Variants in ALKBH8 observed in about 807,000 individuals in gnomAD.
ALKBH8 encodes the protein tRNA (carboxymethyluridine(34)-5-O)-methyltransferase ALKBH8.
ALKBH8 carries 36 observed loss-of-function variants against 59.8 expected under a neutral mutation model. The observed-to-expected ratio is 0.60, with a 90% confidence interval of 0.46 to 0.79. The LOEUF is 0.79. ALKBH8 is among the 30% of genes least tolerant of loss of function. The probability of loss-of-function intolerance (pLI) is 0.00; values close to 1 mark genes in which losing one functional copy is unlikely to be tolerated. For missense variants in ALKBH8, 768 were observed against 801.0 expected (o/e 0.96, Z 0.50); for synonymous variants, 276 against 273.6 (o/e 1.01, Z -0.09).
At chr11:107,535,739 C>T (rs1411199154) in intron 7 of ALKBH8, among the ~76,000 whole-genome samples, 3 of 151,770 alleles carry the variant, frequency 2.0e-5, no homozygotes. Flanking sequence ...TCCTTGAGGC[C>T]CATTTGGGTA....
chr11:107,545,640 G>A (rs755414742), intron 7 of ALKBH8, among the ~76,000 whole-genome samples: 2 of 152,106 alleles, frequency 1.3e-5, no homozygotes, highest in African/African-American at 2.4e-5. Flanking sequence ...ACTGATGAAC[G>A]GACTTCCATA....
chr11:107,552,540 C>A (rs923120959), intron 5 of ALKBH8, among the ~76,000 whole-genome samples: 1 of 152,110 alleles, frequency 6.6e-6, no homozygotes. Flanking sequence ...ATACAAATGA[C>A]CAACCTTACC....
chr11:107,510,635 T>C (rs1181226834), intron 11 of ALKBH8, among the ~76,000 whole-genome samples: 1 of 152,042 alleles, frequency 6.6e-6, no homozygotes, highest in Non-Finnish European at 1.5e-5. Context: ...GAATGAGACT[T>C]GGGGTAGGAA....
intron 6 of ALKBH8, among the ~76,000 whole-genome samples, chr11:107,551,056 TAA>T (rs1864470396): frequency 6.6e-6 from 1 of 152,220 alleles, no homozygotes; most frequent in East Asian, 1.9e-4. Context: ...ATCAGTATCA[TAA>T]AGATTTTTCA....
chr11:107,516,008 CA>C (rs1249994719), intron 10 of ALKBH8, among the ~76,000 whole-genome samples: 1 of 152,230 alleles, frequency 6.6e-6, no homozygotes, highest in East Asian at 1.9e-4. Context: ...AAACACTAAC[CA>C]GGCTAATAAT....
chr11:107,546,626 C>A (rs1045286668), intron 7 of ALKBH8, among the ~76,000 whole-genome samples: 21 of 152,108 alleles, frequency 1.4e-4, no homozygotes, highest in Non-Finnish European at 2.5e-4. Context: ...CTTGAGATAT[C>A]TTGTTATATG....
intron 1 of ALKBH8, 34 bp downstream of exon 1, chr11:107,565,567 G>T: frequency 1.3e-6 from 2 of 1,535,592 alleles, no homozygotes; most frequent in Non-Finnish European, 8.7e-7. Context: ...GTGATTTGCT[G>T]CCCGTATGCC....
At chr11:107,518,044 TAA>T (rs1341498910) in intron 10 of ALKBH8, among the ~76,000 whole-genome samples, 3 of 151,932 alleles carry the variant, frequency 2.0e-5, no homozygotes, top group Non-Finnish European at 4.4e-5. Flanking sequence ...ATCTGTCCTG[TAA>T]AGACATTTTT....
At chr11:107,521,804 A>G (rs1863123078) in intron 10 of ALKBH8, among the ~76,000 whole-genome samples, 2 of 152,176 alleles carry the variant, frequency 1.3e-5, no homozygotes, top group Non-Finnish European at 2.9e-5. Context: ...TAAGATACCA[A>G]TAAATAGAAA....
intron 11 of ALKBH8, among the ~76,000 whole-genome samples, chr11:107,509,173 T>C (rs1862518592): frequency 6.6e-6 from 1 of 152,192 alleles, no homozygotes; most frequent in African/African-American, 2.4e-5. Context: ...CCAACACTTG[T>C]TATTTTCTAT....
chr11:107,504,853 TC>T lies in ALKBH8; in HGVS notation c.1799del (p.Gly600GlufsTer15), dbSNP rs1356273470. On this transcript the variant is annotated frameshift_variant, in exon 12 of 12. Transcript: ENST00000428149. LOFTEE classifies it low-confidence loss of function (END_TRUNC). ...QDVLVPWHLK[G>X]NPDKGKPVEP... ...CAACAGGTTTGCCTTTATCAGGATT[TC>T]CCTTAAGGTGCCAGGGAACCAGTAC... 4 of 1,551,750 alleles carry T rather than the reference TC, an allele frequency of 2.6e-6. No individual in the cohort carries two copies. The South Asian group carries it at 3.6e-5, about 14-fold the overall frequency.
chr11:107,521,775 G>A (rs1256014045), intron 10 of ALKBH8, among the ~76,000 whole-genome samples: 1 of 152,046 alleles, frequency 6.6e-6, no homozygotes, highest in Non-Finnish European at 1.5e-5. Flanking sequence ...ATCTGTTTGA[G>A]ACTTCCTTTC....
At chr11:107,553,085 A>G (rs758910119) in intron 5 of ALKBH8, 23 bp downstream of exon 5, 1 of 1,417,542 alleles carries the variant, frequency 7.1e-7, no homozygotes, top group Non-Finnish European at 9.7e-7. Flanking sequence ...GCCAGAATTT[A>G]TTATGTATTA....
chr11:107,565,335 C>T, intron 1 of ALKBH8: 1 of 568,074 alleles, frequency 1.8e-6, no homozygotes, highest in South Asian at 2.1e-5. Context: ...ACCGTCCTCT[C>T]CAACCCCAAA....
chr11:107,536,505 T>C (rs1035399582), intron 7 of ALKBH8, among the ~76,000 whole-genome samples: 1 of 152,160 alleles, frequency 6.6e-6, no homozygotes, highest in Non-Finnish European at 1.5e-5. Context: ...GATCACTTAT[T>C]GTGATATAAT....
intron 1 of ALKBH8, 170 bp downstream of exon 1, chr11:107,565,431 A>G: frequency 1.2e-6 from 1 of 849,476 alleles, no homozygotes. Flanking sequence ...GAACCACCCA[A>G]CGCAGACACC....
intron 2 of ALKBH8, among the ~76,000 whole-genome samples, chr11:107,559,295 A>G (rs1482116015): frequency 6.6e-6 from 1 of 152,228 alleles, no homozygotes; most frequent in Non-Finnish European, 1.5e-5. Flanking sequence ...ATATCATTAA[A>G]ACAATATTTG....
chr11:107,526,284 T>C (rs1283340986), intron 8 of ALKBH8, among the ~76,000 whole-genome samples: 2 of 151,978 alleles, frequency 1.3e-5, no homozygotes, highest in African/African-American at 4.8e-5. Context: ...ACTTGGTATT[T>C]TCTGAGTTTT....
intron 5 of ALKBH8, 63 bp from the exon 6 acceptor site, chr11:107,551,975 A>G: frequency 1.1e-6 from 1 of 942,426 alleles, no homozygotes; most frequent in Admixed American, 3.5e-5. Context: ...TTACTCAACA[A>G]TTTTAAAAGT....
Sources: gnomAD v4.1 joint callset for allele counts (sites outside exome capture counted in the v4.1 genomes callset) on GRCh38, gnomAD v4.1.1 for gene constraint, MANE v1.5 for transcripts, NCBI Gene and HGNC (gene_info 2026-07-23, HGNC 2026-07-21) for gene names.